The following NPAS3 variants were observed in gnomAD, a reference collection of about 807,000 sequenced individuals.
NPAS3 encodes the protein neuronal PAS domain protein 3.
A neutral mutation model predicts 73.1 loss-of-function variants in NPAS3; 14 were observed. The ratio of observed to expected loss-of-function variants is 0.19; its 90% confidence interval spans 0.13 to 0.30. NPAS3 has a LOEUF of 0.30. NPAS3 is among the 10% of genes least tolerant of loss of function. The pLI, the probability that NPAS3 is intolerant of heterozygous loss-of-function variation, is 1.00. For synonymous variants in NPAS3, 620 were observed against 541.5 expected, an observed-to-expected ratio of 1.14 and a Z score of -2.01; for missense variants, 1,096 against 1,250.0, an observed-to-expected ratio of 0.88 and a Z score of 1.86.
intron 1 of NPAS3, among the ~76,000 whole-genome samples, chr14:32,963,130 C>T (rs892239024): frequency 5.0e-4 from 76 of 152,050 alleles, no homozygotes; most frequent in African/African-American, 1.7e-3. Flanking sequence ...AATAATTTAA[C>T]GATAAAAACT....
At chr14:33,706,944 A>G (rs1179758267) in intron 6 of NPAS3, among the ~76,000 whole-genome samples, 1 of 152,254 alleles carries the variant, frequency 6.6e-6, no homozygotes, top group Non-Finnish European at 1.5e-5. Flanking sequence ...AGAAAAGGCT[A>G]TCTTTAAGAA....
intron 4 of NPAS3, among the ~76,000 whole-genome samples, chr14:33,532,853 G>A (rs978958495): frequency 2.0e-5 from 3 of 152,036 alleles, no homozygotes; most frequent in African/African-American, 7.2e-5. Context: ...CCCTGTCTAA[G>A]TTGACTCCCA....
At chr14:33,546,720 G>A (rs1238750475) in intron 4 of NPAS3, among the ~76,000 whole-genome samples, 3 of 152,150 alleles carry the variant, frequency 2.0e-5, no homozygotes, top group Non-Finnish European at 4.4e-5. Context: ...TGAAGGAATG[G>A]ATTTCTTTGC....
intron 3 of NPAS3, among the ~76,000 whole-genome samples, chr14:33,263,474 T>A (rs2049050305): frequency 1.3e-5 from 2 of 152,208 alleles, no homozygotes; most frequent in Admixed American, 1.3e-4. Context: ...GTTCTATTGG[T>A]CTATATCTCT....
intron 4 of NPAS3, among the ~76,000 whole-genome samples, chr14:33,506,914 C>T (rs1219170729): frequency 6.6e-6 from 1 of 151,974 alleles, no homozygotes; most frequent in East Asian, 1.9e-4. Flanking sequence ...AAATTTCCTC[C>T]TATTCAATTG....
At chr14:33,378,837 CTG>C (rs1490726306) in intron 4 of NPAS3, among the ~76,000 whole-genome samples, 1 of 152,070 alleles carries the variant, frequency 6.6e-6, no homozygotes, top group African/African-American at 2.4e-5. Context: ...GGGAACATAT[CTG>C]TGATTCTTTC....
chr14:33,248,440 A>T (rs2048466059), intron 3 of NPAS3, among the ~76,000 whole-genome samples: 1 of 152,182 alleles, frequency 6.6e-6, no homozygotes, highest in African/African-American at 2.4e-5. Context: ...CTTGAAATAC[A>T]CAAGTTTTTC....
At chr14:33,554,291 C>A (rs867020891) in intron 4 of NPAS3, among the ~76,000 whole-genome samples, 1 of 152,128 alleles carries the variant, frequency 6.6e-6, no homozygotes, top group African/African-American at 2.4e-5. Context: ...GTTGTCCTAA[C>A]GGAGTTATGT....
intron 3 of NPAS3, among the ~76,000 whole-genome samples, chr14:33,358,159 C>T (rs905197082): frequency 4.6e-5 from 7 of 152,140 alleles, no homozygotes; most frequent in African/African-American, 1.2e-4. Flanking sequence ...GTTAGTGACT[C>T]GGTTGCCCAG....
intron 3 of NPAS3, among the ~76,000 whole-genome samples, chr14:33,341,825 A>C (rs924442045): frequency 5.9e-5 from 9 of 152,132 alleles, no homozygotes; most frequent in African/African-American, 2.2e-4. Context: ...AATTTTGGAG[A>C]GATTAGAAGG....
chr14:33,782,823 T>TAAAAAAAAAAAAA lies in NPAS3; in HGVS notation c.1153+4259_1153+4260insAAAAAAAAAAAAA, dbSNP rs199704146. On this transcript the variant is annotated intron_variant, in intron 9 of 11. Transcript: ENST00000356141. ...AACATACTTGGGGGTTGTTTTTTTT[T>TAAAAAAAAAAAAA]AAAAAAAAGAAAAAAACAGTAGCTT... Among the ~76,000 whole-genome samples the TAAAAAAAAAAAAA allele has an allele frequency of 7.4e-5, 11 of 148,598 alleles. 1 individual carries two copies. The highest frequency in any genetic ancestry group is 1.3e-4 in the Non-Finnish European group (9 of 66,698).
intron 11 of NPAS3, among the ~76,000 whole-genome samples, chr14:33,797,785 C>G (rs957180982): frequency 6.6e-6 from 1 of 151,506 alleles, no homozygotes; most frequent in Non-Finnish European, 1.5e-5. Flanking sequence ...CCTGTATGTA[C>G]TATATAGGTA....
Position 33,338,548 on chromosome 14 carries a change from A to C in NPAS3, c.386-28638A>C, listed in dbSNP as rs532472849. 2.0e-5 allele frequency among the ~76,000 whole-genome samples: 3 copies of C among 152,314 alleles called. No homozygotes were observed. In the East Asian group the frequency reaches 5.8e-4, roughly 29 times the overall value. On this transcript the variant is annotated intron_variant, in intron 3 of 11. Transcript: ENST00000356141. ...TGAAAGGCATATTGGCCTGAAAGTC[A>C]GAAGACCTGAAATTTAGTTGCTAGC...
chr14:33,035,656 T>C (rs1378188479), intron 1 of NPAS3, among the ~76,000 whole-genome samples: 2 of 152,332 alleles, frequency 1.3e-5, no homozygotes, highest in Admixed American at 1.3e-4. Flanking sequence ...GGCACAGCAT[T>C]TTCCAATTAC....
At chr14:33,083,229 TTTGC>T (rs1331874208) in intron 2 of NPAS3, among the ~76,000 whole-genome samples, 1 of 125,334 alleles carries the variant, frequency 8.0e-6, no homozygotes, top group East Asian at 2.3e-4. Flanking sequence ...GGACTTTGCC[TTTGC>T]CTCCACTCCA....
At chr14:33,250,615 G>A (rs17472809) in intron 3 of NPAS3, among the ~76,000 whole-genome samples, 20,641 of 152,132 alleles carry the variant, frequency 0.14, 1,798 homozygotes, top group Non-Finnish European at 0.21. Context: ...TGCACCCTAT[G>A]TGGAGGATCC....
At chr14:33,204,263 T>A (rs1235610399) in intron 2 of NPAS3, among the ~76,000 whole-genome samples, 1 of 152,148 alleles carries the variant, frequency 6.6e-6, no homozygotes, top group Non-Finnish European at 1.5e-5. Context: ...TCTTACATGG[T>A]AATCCGTGCC....
intron 1 of NPAS3, among the ~76,000 whole-genome samples, chr14:32,962,378 A>G (rs2036962180): frequency 6.6e-6 from 1 of 152,136 alleles, no homozygotes; most frequent in Non-Finnish European, 1.5e-5. Context: ...AAACCACTTA[A>G]TAAGCCATTA....
At chr14:33,380,140 AT>A (rs2046483204) in intron 4 of NPAS3, among the ~76,000 whole-genome samples, 1 of 152,056 alleles carries the variant, frequency 6.6e-6, no homozygotes, top group Non-Finnish European at 1.5e-5. Flanking sequence ...CCAAAATAAA[AT>A]TCTGACTCTT....
Sources: allele counts gnomAD v4.1 joint callset (sites outside exome capture counted in the v4.1 genomes callset), GRCh38; gene constraint gnomAD v4.1.1; transcripts MANE v1.5; gene names NCBI Gene and HGNC (gene_info 2026-07-23, HGNC 2026-07-21).